RAB37: variants seen among roughly 807,000 people sequenced by gnomAD.
The protein encoded by RAB37 is ras-related protein Rab-37.
In RAB37, 29 loss-of-function variants were observed where a neutral mutation model predicts 33.1. The observed-to-expected ratio is 0.88, with a 90% CI of 0.65 to 1.20. RAB37 has a LOEUF of 1.20. Among genes scored for constraint, RAB37 ranks in the 50% most tolerant of loss-of-function variants. RAB37 has a pLI of 0.00. For missense variants in RAB37, 299 were observed against 301.1 expected (o/e 0.99, Z 0.05); for synonymous variants, 128 against 119.5 (o/e 1.07, Z -0.47).
intron 1 of RAB37, among the ~76,000 whole-genome samples, chr17:74,714,466 A>T (rs1447273585): frequency 6.6e-6 from 1 of 151,620 alleles, no homozygotes. Context: ...GAGAAGGGAG[A>T]TGCAAGCAGG....
At chr17:74,726,053 A>C (rs2034302307) in intron 1 of RAB37, among the ~76,000 whole-genome samples, 1 of 151,866 alleles carries the variant, frequency 6.6e-6, no homozygotes, top group South Asian at 2.1e-4. Flanking sequence ...TGGCTAACAC[A>C]GTGAAACCCT....
intron 1 of RAB37, among the ~76,000 whole-genome samples, chr17:74,724,547 C>T (rs1450584730): frequency 3.3e-5 from 5 of 152,190 alleles, no homozygotes; most frequent in Non-Finnish European, 7.3e-5. Context: ...TTTGTGTGAG[C>T]AACGTGGCTG....
intron 1 of RAB37, among the ~76,000 whole-genome samples, chr17:74,711,988 T>G (rs1225189989): frequency 6.8e-6 from 1 of 147,846 alleles, no homozygotes; most frequent in Non-Finnish European, 1.5e-5. Context: ...CACTGCAGCC[T>G]CCAACTCCTG....
chr17:74,675,606 T>C (rs571638812), intron 1 of RAB37, among the ~76,000 whole-genome samples: 114 of 152,228 alleles, frequency 7.5e-4, no homozygotes, highest in African/African-American at 2.5e-3. Flanking sequence ...CAGAAGTCCA[T>C]GGAAATAAAC....
At chr17:74,725,118 C>A (rs1246332948) in intron 1 of RAB37, among the ~76,000 whole-genome samples, 1 of 152,150 alleles carries the variant, frequency 6.6e-6, no homozygotes, top group Non-Finnish European at 1.5e-5. Flanking sequence ...AACCTGGAAG[C>A]CAGGTTAGCA....
intron 3 of RAB37, 63 bp from the exon 4 acceptor site, chr17:74,743,066 C>G: frequency 6.8e-7 from 1 of 1,469,148 alleles, no homozygotes; most frequent in African/African-American, 1.4e-5. Flanking sequence ...CAGGCCTGCT[C>G]CACCCAGCAC....
At chr17:74,735,018 G>GAAGGAAGAAAGA (rs1207905817), upstream of RAB37, among the ~76,000 whole-genome samples, 372 of 82,298 alleles carry the variant, frequency 4.5e-3, 5 homozygotes, top group African/African-American at 0.024. Flanking sequence ...AGGAAGGAAG[G>GAAGGAAGAAAGA]AAGAAAGAAA....
rs931654324 is a variant in RAB37 at position 74,746,577 on chromosome 17, C to T, written c.*1166C>T. On this transcript the variant is annotated 3_prime_UTR_variant, in exon 9 of 9. Transcript: ENST00000392613. The surrounding 1 kb of genome is among the most constrained non-coding windows in gnomAD (Gnocchi z 5.2). ...AGGCATGCAGCTCCACAGGCGATTT[C>T]TTCAAGCAGCTGAAGTGTTTAGCCC... 1.3e-5 allele frequency: 2 copies of T among 152,202 alleles called. No individual in the cohort carries two copies. The highest frequency in any genetic ancestry group is 4.8e-5 in the African/African-American group (2 of 41,438). 9.4% of individuals were successfully genotyped at this position (152,202 alleles called of 1,614,324 possible).
intron 1 of RAB37, among the ~76,000 whole-genome samples, chr17:74,679,995 GA>G (rs2031920827): frequency 1.5e-5 from 2 of 137,684 alleles, no homozygotes; most frequent in African/African-American, 5.3e-5. Context: ...AAAAAAAAAA[GA>G]AAGAAAGAAA....
intron 1 of RAB37, among the ~76,000 whole-genome samples, chr17:74,679,131 AG>A (rs903776012): frequency 1.5e-4 from 22 of 151,600 alleles, no homozygotes; most frequent in Non-Finnish European, 4.4e-5. Context: ...AAAAAGGCAA[AG>A]TAAACATTTC....
chr17:74,718,244 A>G (rs2034192217), intron 1 of RAB37, among the ~76,000 whole-genome samples: 1 of 152,198 alleles, frequency 6.6e-6, no homozygotes, highest in South Asian at 2.1e-4. Flanking sequence ...CAGTGAGCCA[A>G]GATCGTGCCA....
chr17:74,728,855 T>C (rs2034346078), intron 1 of RAB37, among the ~76,000 whole-genome samples: 1 of 152,064 alleles, frequency 6.6e-6, no homozygotes, highest in African/African-American at 2.4e-5. Flanking sequence ...CATGTATGTT[T>C]CTGTGCCATG....
intron 1 of RAB37, among the ~76,000 whole-genome samples, chr17:74,720,824 C>A (rs2034229600): frequency 6.6e-6 from 1 of 151,994 alleles, no homozygotes; most frequent in Non-Finnish European, 1.5e-5. Flanking sequence ...AGAATCAGGT[C>A]ACATAGACTT....
chr17:74,746,144 C>T lies in RAB37; in HGVS notation c.*733C>T, dbSNP rs1003148336. On this transcript the variant is annotated 3_prime_UTR_variant, in exon 9 of 9. Coordinates refer to ENST00000392613, the MANE Select transcript of RAB37 (RefSeq NM_001006638.3). This position sits in a 1 kb window ranked among gnomAD's most constrained non-coding sequence, Gnocchi z 5.2. ...CTGGACTTCAGATCCTGGGGGAGCC[C>T]CTCCCCCCCCTGAATCCCTGGCTTA... 1 of 151,878 alleles carries T rather than the reference C, an allele frequency of 6.6e-6. No homozygotes were observed. 9.4% of individuals were successfully genotyped at this position (151,878 alleles called of 1,614,324 possible).
At chr17:74,700,173 A>G (rs1017592438) in intron 1 of RAB37, among the ~76,000 whole-genome samples, 14 of 132,910 alleles carry the variant, frequency 1.1e-4, no homozygotes, top group African/African-American at 1.9e-4. Context: ...ATAAATAAAC[A>G]AACAAACAAA....
In RAB37 at chr17:74,742,695, G is replaced by A. The variant is rs552267531; in HGVS notation, c.246+400G>A. On this transcript the variant is annotated intron_variant, in intron 3 of 8. Coordinates refer to ENST00000392613, the MANE Select transcript of RAB37 (RefSeq NM_001006638.3). The surrounding 1 kb of genome is among the most constrained non-coding windows in gnomAD (Gnocchi z 4.0). ...GGCTGGAGTGCAGTGGCACAATCTC[G>A]GCTCACTGCAACCTCTGCCTCCCAG... is the stretch of plus-strand genomic sequence containing the variant. Among the ~76,000 whole-genome samples, 16 of 151,014 alleles carry A rather than the reference G, an allele frequency of 1.1e-4. No individual in the cohort carries two copies. Among genetic ancestry groups the A allele is most frequent in the African/African-American group, 3.7e-4 (15 of 41,034 alleles).
chr17:74,681,630 A>G (rs930047741), intron 1 of RAB37, among the ~76,000 whole-genome samples: 1 of 152,192 alleles, frequency 6.6e-6, no homozygotes, highest in African/African-American at 2.4e-5. Flanking sequence ...ACGCCACGTG[A>G]GCTCTGCAGG....
intron 1 of RAB37, among the ~76,000 whole-genome samples, chr17:74,714,213 AAAT>A (rs1396866419): frequency 2.0e-5 from 3 of 152,106 alleles, no homozygotes; most frequent in East Asian, 3.9e-4. Context: ...TCTGTCTCAA[AAAT>A]AATAACAATA....
intron 1 of RAB37, among the ~76,000 whole-genome samples, chr17:74,728,658 CTG>C (rs1328810411): frequency 2.1e-5 from 3 of 144,508 alleles, no homozygotes. Context: ...TATGTGTGCT[CTG>C]TGTATGCATA....
Sources: allele counts gnomAD v4.1 joint callset (sites outside exome capture counted in the v4.1 genomes callset), GRCh38; gene constraint gnomAD v4.1.1; non-coding constraint Gnocchi (gnomAD v3.1); transcripts MANE v1.5; gene names NCBI Gene and HGNC (gene_info 2026-07-23, HGNC 2026-07-21).